TMEM222: variants seen among roughly 807,000 people sequenced by gnomAD.
The protein encoded by TMEM222 is chromosome 1 open reading frame 160.
Under a neutral mutation model 25.1 loss-of-function variants are expected in TMEM222, and 18 were observed. That is an observed-to-expected ratio of 0.72 (90% CI 0.50 to 1.06). The LOEUF is 1.06. TMEM222 is among the 50% of genes least tolerant of loss of function. The probability of loss-of-function intolerance (pLI) is 0.00; values close to 1 mark genes in which losing one functional copy is unlikely to be tolerated. For missense variants in TMEM222, 296 were observed against 293.7 expected, an observed-to-expected ratio of 1.01 and a Z score of -0.06; for synonymous variants, 131 against 117.9, an observed-to-expected ratio of 1.11 and a Z score of -0.72.
chr1:27,327,498 C>T (rs1170725483), intron 1 of TMEM222, among the ~76,000 whole-genome samples: 11 of 152,222 alleles, frequency 7.2e-5, no homozygotes, highest in African/African-American at 1.9e-4. Flanking sequence ...AAGTGATTCT[C>T]GTGCCTCAGC....
rs1485632153 is a variant in TMEM222 at position 27,334,025 on chromosome 1, G to A, written c.379G>A (p.Asp127Asn). 26 of 1,613,992 alleles carry A rather than the reference G, an allele frequency of 1.6e-5. 1 individual carries two copies. The highest frequency in any genetic ancestry group is 6.7e-5 in the Admixed American group (4 of 59,986). Residue 127 changes from aspartate to asparagine, a missense_variant, in exon 4 of 6, where the codon GAC (aspartate) becomes AAC (asparagine). By Grantham distance (23) the Asp-to-Asn change is conservative. Coordinates refer to ENST00000374076, the MANE Select transcript of TMEM222 (RefSeq NM_032125.3). ...CAACGCATGGGACACGGCTGTGCAC[G>A]ACGCCTCTGAGGAGTACAAGCACCG... ...GPNAWDTAVH[D>N]ASEEYKHRMH... is the part of the protein sequence containing the mutation.
At chr1:27,327,485 T>C (rs975134744) in intron 1 of TMEM222, among the ~76,000 whole-genome samples, 1 of 152,154 alleles carries the variant, frequency 6.6e-6, no homozygotes, top group Non-Finnish European at 1.5e-5. Flanking sequence ...GCCTCCGGGG[T>C]TCAAGTGATT....
chr1:27,322,864 G>C (rs2014240895), intron 1 of TMEM222, among the ~76,000 whole-genome samples: 1 of 151,976 alleles, frequency 6.6e-6, no homozygotes, highest in Admixed American at 6.6e-5. Flanking sequence ...CCAGAGATCT[G>C]AGAGTCCAAC....
chr1:27,325,790 C>T, intron 1 of TMEM222: 1 of 809,854 alleles, frequency 1.2e-6, no homozygotes, highest in Middle Eastern at 3.2e-4. Flanking sequence ...ACCGCAAATG[C>T]TTCTAAATGG....
intron 5 of TMEM222, chr1:27,335,094 G>A: frequency 2.0e-6 from 1 of 503,878 alleles, no homozygotes; most frequent in Non-Finnish European, 3.6e-6. Flanking sequence ...TGGAGCCAGT[G>A]AGGCCTAGAA....
chr1:27,322,299 G>C lies in TMEM222; in HGVS notation c.102G>C (p.Met34Ile). The change falls in exon 1 of 6, where the codon ATG (methionine) becomes ATC (isoleucine). Residue 34 changes from methionine to isoleucine, a missense_variant. Coordinates refer to ENST00000374076, the MANE Select transcript of TMEM222 (RefSeq NM_032125.3). The stretch of plus-strand genomic sequence containing the variant: ...CGCCGACGGCGGCCGAGACGGACAT[G>C]AAGCAATATCAAGGCTCCGGCGGCG... The part of the protein sequence containing the change: ...VEAPTAAETD[M>I]KQYQGSGGVA... 1 of 1,564,644 alleles carries C rather than the reference G, an allele frequency of 6.4e-7. No homozygotes were observed. Among genetic ancestry groups the C allele is most frequent in the South Asian group, 1.2e-5 (1 of 85,334 alleles).
intron 1 of TMEM222, among the ~76,000 whole-genome samples, chr1:27,323,665 C>G (rs1355605757): frequency 1.3e-5 from 2 of 152,110 alleles, no homozygotes; most frequent in East Asian, 3.9e-4. Context: ...CCCAGCTACT[C>G]TGGAAGCTGA....
intron 1 of TMEM222, among the ~76,000 whole-genome samples, chr1:27,324,753 A>G (rs911604860): frequency 2.0e-5 from 3 of 152,184 alleles, no homozygotes; most frequent in African/African-American, 7.2e-5. Flanking sequence ...GCTTCCAGTT[A>G]TGGTGTAAGG....
chr1:27,333,642 A>T, intron 3 of TMEM222: 2 of 407,016 alleles, frequency 4.9e-6, no homozygotes, highest in Non-Finnish European at 9.4e-6. Context: ...CCCATGGCCT[A>T]ATCACCTCCC....
chr1:27,335,264 T>TGTA (rs56322013), intron 5 of TMEM222, 115 bp from the exon 6 acceptor site: 415,277 of 1,036,410 alleles, frequency 0.4, 87,846 homozygotes, highest in Non-Finnish European at 0.44. Context: ...AGGGGGTGGT[T>TGTA]GGGTTTTCCT....
At chr1:27,322,964 C>T (rs1047555922) in intron 1 of TMEM222, among the ~76,000 whole-genome samples, 2 of 152,140 alleles carry the variant, frequency 1.3e-5, no homozygotes, top group African/African-American at 4.8e-5. Flanking sequence ...GTAACATCAG[C>T]CTTTGTCAGG....
Position 27,335,522 on chromosome 1 carries a change from T to G in TMEM222, c.*56T>G. On this transcript the variant is annotated 3_prime_UTR_variant, in exon 6 of 6. Transcript: ENST00000374076. ...GTCCCGAGGAAACAGCCGCCATCCC[T>G]TTTGGTTCCAGATTTTTTTCTCCTC... 6.4e-7 allele frequency: 1 copy of G among 1,573,312 alleles called. No individual in the cohort carries two copies. The highest frequency in any genetic ancestry group is 1.1e-5 in the South Asian group (1 of 90,128).
Position 27,328,003 on chromosome 1 carries a change from A to G in TMEM222, c.195-2717A>G, listed in dbSNP as rs569944578. On this transcript the variant is annotated intron_variant, in intron 1 of 5. Coordinates refer to ENST00000374076, the MANE Select transcript of TMEM222 (RefSeq NM_032125.3). The stretch of plus-strand genomic sequence containing the variant: ...TATACAGGCACTGCCGTAGTAAACA[A>G]GAAAAAATCCTGTCTCTCTTGGAGC... Among the ~76,000 whole-genome samples the G allele has an allele frequency of 2.6e-5, 4 of 152,354 alleles. No homozygotes were observed. The East Asian group carries it at 7.7e-4, about 29-fold the overall frequency.
intron 1 of TMEM222, among the ~76,000 whole-genome samples, 190 bp downstream of exon 1, chr1:27,322,581 T>TGCTCTCA (rs1372238572): frequency 6.6e-6 from 1 of 152,230 alleles, no homozygotes; most frequent in East Asian, 1.9e-4. Context: ...ACACGCTCCC[T>TGCTCTCA]GCTCTCAATA....
At chr1:27,322,951 T>C (rs897212075) in intron 1 of TMEM222, among the ~76,000 whole-genome samples, 1 of 152,120 alleles carries the variant, frequency 6.6e-6, no homozygotes, top group Non-Finnish European at 1.5e-5. Flanking sequence ...CAAAGTTCTT[T>C]CTGTAACATC....
intron 1 of TMEM222, among the ~76,000 whole-genome samples, chr1:27,326,441 A>G (rs1454155009): frequency 6.6e-6 from 1 of 151,996 alleles, no homozygotes; most frequent in Non-Finnish European, 1.5e-5. Context: ...ATGAGAACAG[A>G]TTTTGGTTTT....
chr1:27,328,876 G>A (rs1054826129), intron 1 of TMEM222, among the ~76,000 whole-genome samples: 9 of 152,250 alleles, frequency 5.9e-5, no homozygotes, highest in African/African-American at 2.2e-4. Flanking sequence ...CTTTATGCTC[G>A]TGCCCAGGCA....
At chr1:27,328,962 C>T (rs1241566315) in intron 1 of TMEM222, among the ~76,000 whole-genome samples, 1 of 152,212 alleles carries the variant, frequency 6.6e-6, no homozygotes, top group Non-Finnish European at 1.5e-5. Context: ...CACCCAGGTC[C>T]TGTAGGGCCA....
intron 2 of TMEM222, 97 bp from the exon 3 acceptor site, chr1:27,331,973 C>T (rs2014489700): frequency 1.7e-6 from 2 of 1,209,724 alleles, no homozygotes; most frequent in African/African-American, 1.5e-5. Context: ...CCCTGACATA[C>T]CCTCTTCTAA....
Sources: gnomAD v4.1 joint callset for allele counts (sites outside exome capture counted in the v4.1 genomes callset) on GRCh38, gnomAD v4.1.1 for gene constraint, MANE v1.5 for transcripts, NCBI Gene and HGNC (gene_info 2026-07-23, HGNC 2026-07-21) for gene names.